The following BBS4 variants were observed in gnomAD, a reference collection of about 807,000 sequenced individuals.
BBS4 encodes BBSome complex member BBS4.
A neutral mutation model predicts 71.4 loss-of-function variants in BBS4; 58 were observed. The ratio of observed to expected loss-of-function variants is 0.81; its 90% CI spans 0.66 to 1.01. The LOEUF (loss-of-function observed/expected upper bound fraction) is 1.01, where lower values mean the gene tolerates loss of function less well. Among genes scored for constraint, BBS4 ranks in the 50% least tolerant of loss-of-function variants. The pLI, the probability that BBS4 is intolerant of heterozygous loss-of-function variation, is 0.00. For missense variants in BBS4, 660 were observed against 607.9 expected, an observed-to-expected ratio of 1.09 and a Z score of -0.90; for synonymous variants, 228 against 216.8, an observed-to-expected ratio of 1.05 and a Z score of -0.46.
intron 1 of BBS4, 107 bp downstream of exon 1, chr15:72,686,358 G>A: frequency 2.6e-6 from 4 of 1,541,522 alleles, no homozygotes; most frequent in Non-Finnish European, 3.5e-6. Context: ...GCTGGGTGCC[G>A]AGCGTCTCAG....
chr15:72,699,277 G>A lies in BBS4; in HGVS notation c.76+4049G>A, dbSNP rs372242628. The stretch of plus-strand genomic sequence containing the variant: ...AATTTTTTGTCTTTTTAGTAGAAAC[G>A]GGGTTTCACTATGTTGGCCAGACTG... On this transcript the variant is annotated intron_variant, in intron 2 of 15. Coordinates refer to ENST00000268057, the MANE Select transcript of BBS4 (RefSeq NM_033028.5). Among the ~76,000 whole-genome samples the A allele has an allele frequency of 4.5e-3, 684 of 152,022 alleles. 9 individuals carry two copies. The highest frequency in any genetic ancestry group is 0.016 in the African/African-American group (660 of 41,472).
intron 6 of BBS4, among the ~76,000 whole-genome samples, chr15:72,719,025 A>G (rs924529262): frequency 2.0e-5 from 3 of 152,144 alleles, no homozygotes; most frequent in East Asian, 1.9e-4. Flanking sequence ...TTACCCTGCA[A>G]TGAGCTGAGG....
At position 72,698,255 on chromosome 15, in the gene BBS4, T is replaced by G. The variant is rs11635300; in HGVS notation, c.76+3027T>G. 8.5e-3 allele frequency among the ~76,000 whole-genome samples: 1,299 copies of G among 152,256 alleles called. 6 individuals are homozygous for G. The highest frequency in any genetic ancestry group is 0.012 in the Non-Finnish European group (785 of 68,028). On this transcript the variant is annotated intron_variant, in intron 2 of 15. Transcript: ENST00000268057. ...TATTATTGTAAAATATATATAAAAT[T>G]TACCATTTTTAAGTGTGTAAGTCAG...
chr15:72,691,049 A>G (rs540091313), intron 1 of BBS4, among the ~76,000 whole-genome samples: 90 of 152,232 alleles, frequency 5.9e-4, no homozygotes, highest in African/African-American at 2.1e-3. Context: ...TTTTAAATCA[A>G]GATCATTAAC....
intron 3 of BBS4, 83 bp downstream of exon 3, chr15:72,709,862 G>A: frequency 8.9e-7 from 1 of 1,119,816 alleles, no homozygotes; most frequent in Non-Finnish European, 1.4e-6. Flanking sequence ...GAGTGTGGCA[G>A]TTTATATCTC....
At chr15:72,714,352 A>G (rs1433345598) in intron 4 of BBS4, among the ~76,000 whole-genome samples, 7 of 148,868 alleles carry the variant, frequency 4.7e-5, no homozygotes, top group Non-Finnish European at 8.9e-5. Flanking sequence ...CAGCCCCCCT[A>G]TTAGCTGGGA....
At chr15:72,698,258 C>A (rs766116195) in intron 2 of BBS4, among the ~76,000 whole-genome samples, 2 of 152,030 alleles carry the variant, frequency 1.3e-5, no homozygotes, top group Non-Finnish European at 2.9e-5. Flanking sequence ...ATAAAATTTA[C>A]CATTTTTAAG....
In BBS4 at chr15:72,722,730, T is replaced by A. The variant is rs113127626; in HGVS notation, c.406-64T>A. ...AATAACAATCTCTAGATGTCTGTTG[T>A]TTCACTCTAATACTTACTGTGGAAT... is the stretch of plus-strand genomic sequence containing the variant. On this transcript the variant is annotated intron_variant, in intron 6 of 15. Coordinates refer to ENST00000268057, the MANE Select transcript of BBS4 (RefSeq NM_033028.5). The A allele has an allele frequency of 5.2e-4, 757 of 1,455,268 alleles. 5 individuals carry two copies. The African/African-American group carries it at 8.8e-3, about 17-fold the overall frequency. The allele number at this position is 1,455,268 out of a possible 1,614,324, so 90.1% of individuals were successfully genotyped here.
intron 2 of BBS4, among the ~76,000 whole-genome samples, chr15:72,705,688 C>G (rs80042624): frequency 6.8e-6 from 1 of 146,204 alleles, no homozygotes; most frequent in Non-Finnish European, 1.5e-5. Context: ...GCCTCCCAGG[C>G]TCAAGCAATC....
At chr15:72,715,223 C>T in intron 4 of BBS4, 68 bp from the exon 5 acceptor site, 1 of 1,175,066 alleles carries the variant, frequency 8.5e-7, no homozygotes, top group Non-Finnish European at 1.3e-6. Flanking sequence ...TCCAATTTTT[C>T]TGACCCCAGG....
intron 4 of BBS4, among the ~76,000 whole-genome samples, chr15:72,713,303 A>G (rs746445635): frequency 7.1e-6 from 1 of 140,142 alleles, no homozygotes; most frequent in Non-Finnish European, 1.5e-5. Context: ...TGACCCATCT[A>G]AGGTCTTTGT....
At position 72,737,093 on chromosome 15, in the gene BBS4, G is replaced by A; in HGVS notation, c.1450+130G>A. The A allele has an allele frequency of 1.4e-5, 16 of 1,153,896 alleles. No homozygotes were observed. The Admixed American group carries it at 1.4e-4, about 10-fold the overall frequency. 71.5% of individuals were successfully genotyped at this position (1,153,896 alleles called of 1,614,324 possible). On this transcript the variant is annotated intron_variant, in intron 15 of 15. Coordinates refer to ENST00000268057, the MANE Select transcript of BBS4 (RefSeq NM_033028.5). ...CAACGTAGTATTGGCCACAAGGGGA[G>A]AAAAAAAACACAGGGTGGCTAAATT...
intron 1 of BBS4, among the ~76,000 whole-genome samples, chr15:72,691,200 T>G (rs1247138236): frequency 6.6e-6 from 1 of 152,166 alleles, no homozygotes; most frequent in African/African-American, 2.4e-5. Flanking sequence ...CAGGCTGGTC[T>G]TAAACTCCTG....
intron 3 of BBS4, among the ~76,000 whole-genome samples, chr15:72,710,706 G>T (rs558672267): frequency 6.6e-6 from 1 of 152,050 alleles, no homozygotes; most frequent in East Asian, 1.9e-4. Context: ...ACCCATCTAA[G>T]GTTTTTAATT....
chr15:72,722,803 C>T lies in BBS4; in HGVS notation c.415C>T (p.His139Tyr). 6.2e-7 allele frequency: 1 copy of T among 1,613,816 alleles called. No individual in the cohort carries two copies. Among genetic ancestry groups the T allele is most frequent in the Non-Finnish European group, 8.5e-7 (1 of 1,179,832 alleles). Residue 139 changes from histidine to tyrosine, a missense_variant, in exon 7 of 16, where the codon CAT (histidine) becomes TAT (tyrosine). His to Tyr is a moderately conservative substitution (Grantham distance 83). Transcript: ENST00000268057. ...TTTTTTATGAGCCTAGGAGATCAGC[C>T]ATAACCTAGGAGTTTGCTACATATA... ...KLNQKDWEIS[H>Y]NLGVCYIYLK...
chr15:72,737,045 G>A, intron 15 of BBS4, 82 bp downstream of exon 15: 2 of 1,502,962 alleles, frequency 1.3e-6, no homozygotes, highest in Non-Finnish European at 1.8e-6. Flanking sequence ...CTTTCAGTGA[G>A]GTTCTCTTCA....
chr15:72,712,398 G>A (rs33923961), intron 4 of BBS4, 91 bp downstream of exon 4: 110,834 of 1,211,558 alleles, frequency 0.091, 5,370 homozygotes, highest in Non-Finnish European at 0.1. Context: ...ACAAGTTCAA[G>A]TACAGTCATG....
At chr15:72,730,899 C>T (rs904218581) in intron 10 of BBS4, among the ~76,000 whole-genome samples, 2 of 152,000 alleles carry the variant, frequency 1.3e-5, no homozygotes, top group African/African-American at 2.4e-5. Flanking sequence ...TAAGTAGCCA[C>T]GTACAGGTGT....
At chr15:72,687,934 G>GA (rs778275825) in intron 1 of BBS4, among the ~76,000 whole-genome samples, 5,355 of 120,612 alleles carry the variant, frequency 0.044, 103 homozygotes, top group African/African-American at 0.047. Context: ...CTCCGTCTCA[G>GA]AAAAAAAAAA....
Sources: allele counts gnomAD v4.1 joint callset (sites outside exome capture counted in the v4.1 genomes callset), GRCh38; gene constraint gnomAD v4.1.1; transcripts MANE v1.5; gene names NCBI Gene and HGNC (gene_info 2026-07-23, HGNC 2026-07-21).